Variants in GGTA1 observed in about 807,000 individuals in gnomAD.
The protein encoded by GGTA1 is glycoprotein alpha-galactosyltransferase 1 (inactive).
GGTA1 carries 5 observed loss-of-function variants against 2.6 expected under a neutral mutation model. The ratio of observed to expected loss-of-function variants is 1.92; its 90% CI spans 1.00 to 4.04. The LOEUF (loss-of-function observed/expected upper bound fraction) is 4.04, where lower values mean the gene tolerates loss of function less well. Among genes scored for constraint, GGTA1 ranks in the 30% most tolerant of loss-of-function variants. The probability of loss-of-function intolerance (pLI) is 0.00; values close to 1 mark genes in which losing one functional copy is unlikely to be tolerated. For missense variants in GGTA1, 50 were observed against 16.7 expected, an observed-to-expected ratio of 2.99 and a Z score of -3.47; for synonymous variants, 17 against 5.0, an observed-to-expected ratio of 3.38 and a Z score of -3.19.
intron 1 of GGTA1, chr9:121,494,811 A>T (rs1413170029): frequency 1.3e-5 from 2 of 152,558 alleles, no homozygotes; most frequent in African/African-American, 4.8e-5. Context: ...ACAAAGCAAG[A>T]CCTCATCTTT....
intron 1 of GGTA1, among the ~76,000 whole-genome samples, chr9:121,480,044 T>C (rs1472779379): frequency 7.1e-6 from 1 of 140,698 alleles, no homozygotes; most frequent in Non-Finnish European, 1.6e-5. Context: ...TCTTTCTTTC[T>C]TTTTTTCTTT....
At chr9:121,483,877 A>G (rs540869017) in intron 1 of GGTA1, among the ~76,000 whole-genome samples, 2 of 152,340 alleles carry the variant, frequency 1.3e-5, no homozygotes, top group African/African-American at 4.8e-5. Flanking sequence ...TACAGACACA[A>G]AGGTTGCAAG....
downstream of GGTA1, among the ~76,000 whole-genome samples, chr9:121,450,311 G>A (rs1453240468): frequency 6.6e-6 from 1 of 151,802 alleles, no homozygotes; most frequent in African/African-American, 2.4e-5. Flanking sequence ...CTGAAGCTTG[G>A]GAAACAATAC....
intron 1 of GGTA1, among the ~76,000 whole-genome samples, chr9:121,486,134 C>T (rs977399242): frequency 3.3e-5 from 5 of 152,208 alleles, no homozygotes; most frequent in African/African-American, 1.2e-4. Context: ...ACCTAAAACT[C>T]CACTTGAGTC....
At chr9:121,497,629 G>A (rs1829021721) in intron 1 of GGTA1, among the ~76,000 whole-genome samples, 1 of 152,126 alleles carries the variant, frequency 6.6e-6, no homozygotes, top group Non-Finnish European at 1.5e-5. Flanking sequence ...GCAGAATGGG[G>A]ACAGAGACTG....
chr9:121,462,846 G>A (rs1455848493), intron 3 of GGTA1: 1 of 155,042 alleles, frequency 6.4e-6, no homozygotes, highest in Non-Finnish European at 1.4e-5. Context: ...AAATATAAAG[G>A]TTTACATGGC....
chr9:121,479,006 T>C (rs112301437), intron 1 of GGTA1: 38,349 of 447,652 alleles, frequency 0.086, 2,139 homozygotes, highest in Non-Finnish European at 0.12. Context: ...AACTCCAGGC[T>C]GCAGCTTGGC....
At chr9:121,492,443 G>C (rs1828889218) in intron 1 of GGTA1, among the ~76,000 whole-genome samples, 1 of 152,114 alleles carries the variant, frequency 6.6e-6, no homozygotes, top group African/African-American at 2.4e-5. Context: ...CCTAAGGGGA[G>C]CCGAGTTCAG....
chr9:121,470,903 T>C (rs1828374222), intron 1 of GGTA1, among the ~76,000 whole-genome samples: 1 of 152,268 alleles, frequency 6.6e-6, no homozygotes, highest in South Asian at 2.1e-4. Flanking sequence ...GTCTCCCGCA[T>C]AGCGGGCTCT....
intron 1 of GGTA1, among the ~76,000 whole-genome samples, chr9:121,481,407 CA>C (rs1388465509): frequency 1.3e-5 from 2 of 151,976 alleles, no homozygotes; most frequent in African/African-American, 4.8e-5. Flanking sequence ...GCCAAACTGG[CA>C]GGGGGCGGTG....
At chr9:121,461,599 A>T (rs2064961288) in intron 3 of GGTA1, among the ~76,000 whole-genome samples, 1 of 152,086 alleles carries the variant, frequency 6.6e-6, no homozygotes, top group African/African-American at 2.4e-5. Context: ...GGTGGTATTA[A>T]TGCATAAACC....
At chr9:121,448,837 T>C (rs1379410664) in intron 7 of GGTA1, among the ~76,000 whole-genome samples, 2 of 152,146 alleles carry the variant, frequency 1.3e-5, no homozygotes, top group Admixed American at 6.5e-5. Context: ...CCAACATCCA[T>C]AGTTTACATT....
intron 1 of GGTA1, among the ~76,000 whole-genome samples, chr9:121,499,160 T>C (rs535717228): frequency 6.6e-6 from 1 of 152,112 alleles, no homozygotes; most frequent in African/African-American, 2.4e-5. Context: ...CCCTTCCTCC[T>C]TGGGGTTCCT....
At chr9:121,477,725 G>A (rs1828543947) in intron 1 of GGTA1, among the ~76,000 whole-genome samples, 1 of 151,714 alleles carries the variant, frequency 6.6e-6, no homozygotes, top group African/African-American at 2.4e-5. Flanking sequence ...ACAGGCACCC[G>A]CCACCACGCC....
At chr9:121,489,750 G>C (rs1295176540) in intron 1 of GGTA1, among the ~76,000 whole-genome samples, 1 of 152,168 alleles carries the variant, frequency 6.6e-6, no homozygotes, top group African/African-American at 2.4e-5. Flanking sequence ...TGCATTCTTC[G>C]GGTGGCAGGG....
At position 121,476,336 on chromosome 9, in the gene GGTA1, C is replaced by T. The variant is rs1402640886; in HGVS notation, c.-9-8405G>A. 6.6e-6 allele frequency among the ~76,000 whole-genome samples: 1 copy of T among 152,148 alleles called. No homozygotes were observed. The highest frequency in any genetic ancestry group is 2.4e-5 in the African/African-American group (1 of 41,436). ...ACCTCCTTGCTCCACCCCTGCCTCA[C>T]CCTGTCCCCAGCCTTGTCATAGTCC... On this transcript the variant is annotated intron_variant, in intron 1 of 5. Coordinates refer to ENST00000481799, the MANE Select transcript of GGTA1 (RefSeq NM_001382585.1). The surrounding 1 kb of genome is among the most constrained non-coding windows in gnomAD (Gnocchi z 4.6).
chr9:121,447,779 AC>A (rs1303123985), intron 7 of GGTA1, among the ~76,000 whole-genome samples: 2 of 151,912 alleles, frequency 1.3e-5, no homozygotes, highest in African/African-American at 4.8e-5. Flanking sequence ...GATTTCTCCT[AC>A]CCCAGGTGTG....
At chr9:121,474,519 G>A (rs1020965749) in intron 1 of GGTA1, among the ~76,000 whole-genome samples, 1 of 152,138 alleles carries the variant, frequency 6.6e-6, no homozygotes, top group Non-Finnish European at 1.5e-5. Context: ...GTGTCAGACA[G>A]ACTTTTCCAT....
rs1011846730 is a variant in GGTA1 at position 121,464,717 on chromosome 9, A to T, written c.81-1389T>A. ...TCAATAACTTGTAGTTCCCATCATG[A>T]TCACCACTATCATGAATATTTCATC... On this transcript the variant is annotated intron_variant, in intron 2 of 5. Coordinates refer to ENST00000481799, the MANE Select transcript of GGTA1 (RefSeq NM_001382585.1). Among the ~76,000 whole-genome samples, 7 of 152,338 alleles carry T rather than the reference A, an allele frequency of 4.6e-5. No homozygotes were observed. The South Asian group carries it at 6.2e-4, about 14-fold the overall frequency.
Sources: gnomAD v4.1 joint callset for allele counts (sites outside exome capture counted in the v4.1 genomes callset) on GRCh38, gnomAD v4.1.1 for gene constraint, Gnocchi (gnomAD v3.1) non-coding constraint, MANE v1.5 for transcripts, NCBI Gene and HGNC (gene_info 2026-07-23, HGNC 2026-07-21) for gene names.